TMEM59: variants seen among roughly 807,000 people sequenced by gnomAD.
The protein encoded by TMEM59 is dendritic cell factor 1.
A neutral mutation model predicts 42.2 loss-of-function variants in TMEM59; 44 were observed. The observed-to-expected ratio is 1.04, with a 90% CI of 0.82 to 1.34. The LOEUF (loss-of-function observed/expected upper bound fraction) is 1.34. Ranked by LOEUF, TMEM59 falls within the 40% of genes most tolerant of loss-of-function variation. TMEM59 has a pLI of 0.00. For missense variants in TMEM59, 359 were observed against 382.8 expected (o/e 0.94, Z 0.52); for synonymous variants, 148 against 145.8 (o/e 1.02, Z -0.11).
intron 7 of TMEM59, chr1:54,033,564 T>G (rs560369447): frequency 1.5e-5 from 2 of 135,396 alleles, no homozygotes; most frequent in Admixed American, 1.6e-4. Flanking sequence ...ATCGCGACAC[T>G]GCCCTCCAGC....
rs1042913648 is a variant in TMEM59 at position 54,030,224 on chromosome 1, CTT to C, written c.*1924_*1925del. 1 of 150,968 alleles carries C rather than the reference CTT, an allele frequency of 6.6e-6. No homozygotes were observed. Among genetic ancestry groups the C allele is most frequent in the African/African-American group, 2.4e-5 (1 of 41,102 alleles). 9.4% of individuals were successfully genotyped at this position (150,968 alleles called of 1,614,324 possible). On this transcript the variant is annotated 3_prime_UTR_variant, in exon 8 of 8. Coordinates refer to ENST00000234831, the MANE Select transcript of TMEM59 (RefSeq NM_004872.5). ...CTGGCCCCAAGTGATCTAGATAATT[CTT>C]TGTTTTGTTTTTATAAGGGAGGGTC...
chr1:54,029,007 C>T lies in TMEM59; in HGVS notation c.*3143G>A, dbSNP rs1656685786. On this transcript the variant is annotated 3_prime_UTR_variant, in exon 8 of 8. Transcript: ENST00000234831. Reference sequence around the variant, plus strand: ...CATGTGGACTTGATATTTGAGTCCACAAAAATTATAATGGAACTACTGTAT... The same window carrying T: ...CATGTGGACTTGATATTTGAGTCCATAAAAATTATAATGGAACTACTGTAT... 6.6e-6 allele frequency: 1 copy of T among 152,102 alleles called. No homozygotes were observed. The highest frequency in any genetic ancestry group is 2.1e-4 in the South Asian group (1 of 4,822). 9.4% of individuals were successfully genotyped at this position (152,102 alleles called of 1,614,324 possible).
intron 1 of TMEM59, 105 bp from the exon 2 acceptor site, chr1:54,047,477 G>T: frequency 1.1e-6 from 1 of 873,036 alleles, no homozygotes; most frequent in Non-Finnish European, 1.8e-6. Flanking sequence ...ATTACAAATC[G>T]TCCAGTAAGT....
intron 7 of TMEM59, chr1:54,033,626 G>C (rs982865411): frequency 6.8e-6 from 1 of 146,596 alleles, no homozygotes; most frequent in Non-Finnish European, 1.5e-5. Context: ...AAAAAAAAAT[G>C]GTATAGATTC....
chr1:54,049,733 C>CT (rs1246340798), intron 1 of TMEM59, among the ~76,000 whole-genome samples: 1 of 152,184 alleles, frequency 6.6e-6, no homozygotes, highest in Non-Finnish European at 1.5e-5. Flanking sequence ...AATCCCGACA[C>CT]TTTGGGAGGT....
chr1:54,037,238 C>T (rs996976096), intron 6 of TMEM59, among the ~76,000 whole-genome samples: 2 of 152,168 alleles, frequency 1.3e-5, no homozygotes, highest in Non-Finnish European at 2.9e-5. Flanking sequence ...ACTTATACTT[C>T]AATTTAAAAA....
intron 2 of TMEM59, among the ~76,000 whole-genome samples, chr1:54,047,025 G>A (rs1333414390): frequency 6.6e-6 from 1 of 152,174 alleles, no homozygotes; most frequent in Non-Finnish European, 1.5e-5. Context: ...CAGAATGCTT[G>A]GTTAAACAAA....
intron 1 of TMEM59, among the ~76,000 whole-genome samples, chr1:54,050,429 G>A (rs2100336589): frequency 6.7e-6 from 1 of 149,838 alleles, no homozygotes; most frequent in East Asian, 2.0e-4. Flanking sequence ...AGCCTAAAAC[G>A]AGATTTCTAT....
Position 54,043,448 on chromosome 1 carries a change from G to A in TMEM59, c.468C>T (p.Asp156=). 6.3e-7 allele frequency: 1 copy of A among 1,582,714 alleles called. No homozygotes were observed. Among genetic ancestry groups the A allele is most frequent in the African/African-American group, 1.3e-5 (1 of 74,126 alleles). Residue 156 remains aspartate, a synonymous_variant, in exon 4 of 8, where the codon GAC becomes GAT. Coordinates refer to ENST00000234831, the MANE Select transcript of TMEM59 (RefSeq NM_004872.5). ...AAGAGGTTATGAAGCTCTGTGCGGA[G>A]TCCATCATGTCACTCCAGAATGACC... is the stretch of plus-strand genomic sequence containing the variant. ...LVRSFWSDMM[D]SAQSFITSSW... is the part of the protein sequence containing the mutation.
At chr1:54,040,299 T>G (rs1277600884) in intron 6 of TMEM59, among the ~76,000 whole-genome samples, 3 of 152,088 alleles carry the variant, frequency 2.0e-5, no homozygotes, top group Non-Finnish European at 4.4e-5. Flanking sequence ...ATTACAGGCA[T>G]GCACCACCAC....
At chr1:54,036,911 CT>C in intron 6 of TMEM59, 193 bp from the exon 7 acceptor site, 1 of 349,246 alleles carries the variant, frequency 2.9e-6, no homozygotes. Flanking sequence ...GGCATAAAGT[CT>C]TTTTCCTCCA....
intron 1 of TMEM59, among the ~76,000 whole-genome samples, chr1:54,048,856 C>T (rs1257544918): frequency 6.6e-6 from 1 of 152,220 alleles, no homozygotes; most frequent in African/African-American, 2.4e-5. Context: ...GAAGGTAGCA[C>T]ACTTTTGGAC....
intron 7 of TMEM59, among the ~76,000 whole-genome samples, chr1:54,035,426 T>C (rs1406450252): frequency 1.3e-5 from 2 of 152,214 alleles, no homozygotes; most frequent in Non-Finnish European, 2.9e-5. Context: ...ATAAATACTT[T>C]TCTGTTCTTG....
Position 54,027,769 on chromosome 1 carries a change from T to TC in TMEM59, c.*4380dup, listed in dbSNP as rs1416961268. 2 of 136,848 alleles carry TC rather than the reference T, an allele frequency of 1.5e-5. No homozygotes were observed. Among genetic ancestry groups the TC allele is most frequent in the African/African-American group, 6.5e-5 (2 of 30,600 alleles). 8.5% of individuals were successfully genotyped at this position (136,848 alleles called of 1,614,324 possible). On this transcript the variant is annotated 3_prime_UTR_variant, in exon 8 of 8. Coordinates refer to ENST00000234831, the MANE Select transcript of TMEM59 (RefSeq NM_004872.5). ...CTGAGTAACAGTGTGAGACTCTGTC[T>TC]CAAAAAAAAAAAAAGTGAAATATAT...
chr1:54,047,501 G>A, intron 1 of TMEM59, 129 bp from the exon 2 acceptor site: 15 of 712,170 alleles, frequency 2.1e-5, no homozygotes, highest in Middle Eastern at 2.4e-4. Flanking sequence ...ATAACTGAAA[G>A]AAAAAAATGA....
rs1463302025 is a variant in TMEM59 at position 54,029,362 on chromosome 1, G to T, written c.*2788C>A. On this transcript the variant is annotated 3_prime_UTR_variant, in exon 8 of 8. Coordinates refer to ENST00000234831, the MANE Select transcript of TMEM59 (RefSeq NM_004872.5). ...CTTTTGTAATTGCCTGAATTAGCAT[G>T]TCTCTTAGATGAGGGACCTGAGCCA... is the stretch of plus-strand genomic sequence containing the variant. The T allele has an allele frequency of 6.6e-6, 1 of 152,202 alleles. No homozygotes were observed. The highest frequency in any genetic ancestry group is 2.4e-5 in the African/African-American group (1 of 41,456). 9.4% of individuals were successfully genotyped at this position (152,202 alleles called of 1,614,324 possible).
intron 4 of TMEM59, among the ~76,000 whole-genome samples, chr1:54,042,029 T>G (rs1657155002): frequency 6.6e-6 from 1 of 151,864 alleles, no homozygotes; most frequent in Non-Finnish European, 1.5e-5. Context: ...TTTATGTTAG[T>G]TTAACTTCCT....
intron 3 of TMEM59, 168 bp downstream of exon 3, chr1:54,045,523 CA>C (rs1657299122): frequency 5.1e-6 from 3 of 588,712 alleles, no homozygotes; most frequent in Non-Finnish European, 9.2e-6. Flanking sequence ...AAGCATTATA[CA>C]AAAGCAATTA....
rs376253184 is a variant in TMEM59, at chr1:54,052,290, C to T, written c.189+710G>A. Among the ~76,000 whole-genome samples the T allele has an allele frequency of 2.6e-5, 4 of 152,160 alleles. No individual in the cohort carries two copies. The South Asian group carries it at 6.2e-4, about 24-fold the overall frequency. Reference sequence around the variant, plus strand: ...GCATAGAGAGGAGGGCCATTCCTCTCTGTAAGCTGCGAACCCCCTCCTGTC... The same window carrying T: ...GCATAGAGAGGAGGGCCATTCCTCTTTGTAAGCTGCGAACCCCCTCCTGTC... On this transcript the variant is annotated intron_variant, in intron 1 of 7. Coordinates refer to ENST00000234831, the MANE Select transcript of TMEM59 (RefSeq NM_004872.5).
Sources: gnomAD v4.1 joint callset for allele counts (sites outside exome capture counted in the v4.1 genomes callset) on GRCh38, gnomAD v4.1.1 for gene constraint, MANE v1.5 for transcripts, NCBI Gene and HGNC (gene_info 2026-07-23, HGNC 2026-07-21) for gene names.